The following FAM107B variants were observed in gnomAD, a reference collection of about 807,000 sequenced individuals.
FAM107B encodes the protein protein FAM107B.
Under a neutral mutation model 31.5 loss-of-function variants are expected in FAM107B, and 21 were observed. The ratio of observed to expected loss-of-function variants is 0.67; its 90% CI spans 0.47 to 0.96. FAM107B has a LOEUF of 0.96. FAM107B is among the 40% of genes least tolerant of loss of function. The pLI is 0.00. For synonymous variants in FAM107B, 157 were observed against 141.5 expected, an observed-to-expected ratio of 1.11 and a Z score of -0.78; for missense variants, 452 against 377.1, an observed-to-expected ratio of 1.20 and a Z score of -1.64.
At chr10:14,700,057 C>T (rs1303403463) in intron 1 of FAM107B, among the ~76,000 whole-genome samples, 3 of 152,212 alleles carry the variant, frequency 2.0e-5, no homozygotes, top group South Asian at 2.1e-4. Context: ...CTCAGCCTCC[C>T]GAGTAGCTGG....
At chr10:14,659,723 A>G (rs1369407972) in intron 2 of FAM107B, among the ~76,000 whole-genome samples, 1 of 152,158 alleles carries the variant, frequency 6.6e-6, no homozygotes, top group East Asian at 1.9e-4. Context: ...AAAAGCAGAC[A>G]CTTTGTCTGA....
chr10:14,738,076 T>C (rs914761006), intron 1 of FAM107B, among the ~76,000 whole-genome samples: 29 of 152,134 alleles, frequency 1.9e-4, no homozygotes, highest in African/African-American at 7.0e-4. Context: ...GAATTTACTA[T>C]ATTTACACGT....
intron 2 of FAM107B, among the ~76,000 whole-genome samples, chr10:14,582,906 C>A (rs1484355554): frequency 2.0e-5 from 3 of 151,920 alleles, no homozygotes; most frequent in Non-Finnish European, 4.4e-5. Context: ...GCCAACATGG[C>A]AAAACCCCAT....
At chr10:14,582,748 A>G (rs1486917222) in intron 2 of FAM107B, among the ~76,000 whole-genome samples, 1 of 151,990 alleles carries the variant, frequency 6.6e-6, no homozygotes, top group Non-Finnish European at 1.5e-5. Context: ...CAACTTTATT[A>G]CTGTATAACT....
chr10:14,747,494 C>T (rs1177691221), intron 1 of FAM107B, among the ~76,000 whole-genome samples: 1 of 152,052 alleles, frequency 6.6e-6, no homozygotes, highest in African/African-American at 2.4e-5. Flanking sequence ...TTTGTTGATG[C>T]TGTTGTTGTT....
In FAM107B at chr10:14,722,000, T is replaced by C. The variant is rs182406627; in HGVS notation, c.411+52253A>G. Among the ~76,000 whole-genome samples the C allele has an allele frequency of 1.6e-3, 241 of 152,348 alleles. 1 individual carries two copies. The highest frequency in any genetic ancestry group is 2.5e-3 in the Non-Finnish European group (167 of 68,042). ...TTAGGTCTGACATTTAAGTCTTTAA[T>C]CCATCTTGAATTAATTAATCCATTT... On this transcript the variant is annotated intron_variant, in intron 1 of 4. Coordinates refer to ENST00000181796, the MANE Select transcript of FAM107B (RefSeq NM_031453.4).
At chr10:14,730,710 T>C (rs1262792274) in intron 1 of FAM107B, among the ~76,000 whole-genome samples, 4 of 152,260 alleles carry the variant, frequency 2.6e-5, no homozygotes, top group Non-Finnish European at 4.4e-5. Context: ...CGGAGGCTAC[T>C]GCAGTAGACC....
chr10:14,608,749 T>G (rs1393287339), intron 2 of FAM107B, among the ~76,000 whole-genome samples: 1 of 152,212 alleles, frequency 6.6e-6, no homozygotes, highest in East Asian at 1.9e-4. Flanking sequence ...ATTAAAAATG[T>G]CACAAGGTCA....
At chr10:14,733,933 T>G (rs1438210245) in intron 1 of FAM107B, among the ~76,000 whole-genome samples, 1 of 152,164 alleles carries the variant, frequency 6.6e-6, no homozygotes, top group African/African-American at 2.4e-5. Flanking sequence ...TGAAAAGAGT[T>G]TCTGGGCACC....
chr10:14,548,547 C>A, intron 2 of FAM107B: 1 of 985,476 alleles, frequency 1.0e-6, no homozygotes, highest in Non-Finnish European at 1.2e-6. Context: ...GGAACCTGGG[C>A]TCTTCTCCTA....
At chr10:14,663,007 A>G (rs1195061834) in intron 2 of FAM107B, among the ~76,000 whole-genome samples, 1 of 152,220 alleles carries the variant, frequency 6.6e-6, no homozygotes, top group Non-Finnish European at 1.5e-5. Flanking sequence ...AGGAAAGAGT[A>G]GACTTGCTGA....
Position 14,629,523 on chromosome 10 carries a change from T to A in FAM107B, c.469+38111A>T, listed in dbSNP as rs1244453461. ...ATATATTTAATATATATATATATAT[T>A]TTTTTTTGAGATGAAGACTCGCTCT... On this transcript the variant is annotated intron_variant, in intron 2 of 4. Transcript: ENST00000181796. 3.1e-3 allele frequency among the ~76,000 whole-genome samples: 395 copies of A among 125,454 alleles called. 15 individuals carry two copies. Among genetic ancestry groups the A allele is most frequent in the African/African-American group, 8.8e-3 (278 of 31,544 alleles). The allele number at this position is 125,454 out of a possible 152,430, so 82.3% of individuals were successfully genotyped here. A position where few individuals can be genotyped will look rare whatever the true frequency, so the allele number is the denominator to read the frequency against.
At chr10:14,703,570 A>G (rs1198715166) in intron 1 of FAM107B, among the ~76,000 whole-genome samples, 3 of 152,096 alleles carry the variant, frequency 2.0e-5, no homozygotes, top group Non-Finnish European at 1.5e-5. Context: ...CCTGGCCTCA[A>G]GTGATACACC....
In FAM107B at chr10:14,774,352, C is replaced by T; in HGVS notation, c.312G>A (p.Thr104=). The change falls in exon 1 of 5, where the codon ACG becomes ACA. Residue 104 remains threonine, a synonymous_variant. Coordinates refer to ENST00000181796, the MANE Select transcript of FAM107B (RefSeq NM_031453.4). The stretch of plus-strand genomic sequence containing the variant: ...CCAGGGACCCGGGCACATCTTCAGG[C>T]GTCTCCGCGGGCTGGGCCGCAGTGC... ...SHRTAAQPAE[T]PEDVPGSLDD... is the part of the protein sequence containing the mutation. 2 of 1,614,214 alleles carry T rather than the reference C, an allele frequency of 1.2e-6. No homozygotes were observed. The highest frequency in any genetic ancestry group is 1.7e-6 in the Non-Finnish European group (2 of 1,180,040).
chr10:14,541,541 T>G (rs1223921271), intron 2 of FAM107B, among the ~76,000 whole-genome samples: 3 of 152,154 alleles, frequency 2.0e-5, no homozygotes, highest in African/African-American at 7.2e-5. Context: ...GCTCACAGCC[T>G]GCCTCCCCGA....
intron 2 of FAM107B, among the ~76,000 whole-genome samples, chr10:14,597,289 G>T (rs1852218434): frequency 6.6e-6 from 1 of 152,164 alleles, no homozygotes; most frequent in Non-Finnish European, 1.5e-5. Flanking sequence ...TCATAAGACT[G>T]TACAATTTTT....
At chr10:14,534,042 A>G (rs34660212) in intron 2 of FAM107B, among the ~76,000 whole-genome samples, 2,856 of 152,264 alleles carry the variant, frequency 0.019, 34 homozygotes, top group Non-Finnish European at 0.028. Context: ...GTGGTGAAGT[A>G]TATGTATATG....
At chr10:14,619,704 T>C (rs1263118118) in intron 2 of FAM107B, among the ~76,000 whole-genome samples, 4 of 54,032 alleles carry the variant, frequency 7.4e-5, no homozygotes, top group Non-Finnish European at 1.0e-4. Flanking sequence ...GTTTGTGTCC[T>C]AGCTAAAAAA....
At chr10:14,720,765 C>A (rs949730516) in intron 1 of FAM107B, among the ~76,000 whole-genome samples, 1 of 152,142 alleles carries the variant, frequency 6.6e-6, no homozygotes, top group South Asian at 2.1e-4. Flanking sequence ...ACCTAGAATT[C>A]ATTGAAAAAT....
Sources: allele counts gnomAD v4.1 joint callset (sites outside exome capture counted in the v4.1 genomes callset), GRCh38; gene constraint gnomAD v4.1.1; transcripts MANE v1.5; gene names NCBI Gene and HGNC (gene_info 2026-07-23, HGNC 2026-07-21).